Variants in NLRP4 observed in about 807,000 individuals in gnomAD.
NLRP4 encodes NLR family pyrin domain containing 4, also known as NACHT, LRR and PYD domains-containing protein 4.
A neutral mutation model predicts 84.7 loss-of-function variants in NLRP4; 44 were observed. The ratio of observed to expected loss-of-function variants is 0.52; its 90% CI spans 0.41 to 0.67. The LOEUF is 0.67. Ranked by LOEUF, NLRP4 falls within the 30% of genes least tolerant of loss-of-function variation. NLRP4 has a pLI of 0.00. For synonymous variants in NLRP4, 544 were observed against 476.4 expected, an observed-to-expected ratio of 1.14 and a Z score of -1.85; for missense variants, 1,260 against 1,219.4, an observed-to-expected ratio of 1.03 and a Z score of -0.50.
rs1027563549 is a variant in NLRP4, at chr19:55,856,358, G to C, written c.281-1316G>C. 2.0e-5 allele frequency among the ~76,000 whole-genome samples: 3 copies of C among 152,068 alleles called. No individual in the cohort carries two copies. In the East Asian group the frequency reaches 5.8e-4, roughly 29 times the overall value. ...GTCCAGCGTCTGTGTGTTCATGGAA[G>C]CTGGCAGCAAAACAGGCAGAAGATA... On this transcript the variant is annotated intron_variant, in intron 2 of 9. Transcript: ENST00000301295.
intron 1 of NLRP4, among the ~76,000 whole-genome samples, chr19:55,845,627 G>T (rs1482854841): frequency 6.6e-6 from 1 of 151,848 alleles, no homozygotes; most frequent in South Asian, 2.1e-4. Flanking sequence ...GGTTGAACTA[G>T]TTTACAGTCC....
At chr19:55,843,862 C>T (rs1220622628) in intron 1 of NLRP4, among the ~76,000 whole-genome samples, 2 of 151,994 alleles carry the variant, frequency 1.3e-5, no homozygotes, top group African/African-American at 4.8e-5. Context: ...TTTTGGGGAG[C>T]CAGTAACAAG....
At chr19:55,861,207 C>T (rs759913889) in intron 3 of NLRP4, among the ~76,000 whole-genome samples, 179 bp from the exon 4 acceptor site, 2 of 152,206 alleles carry the variant, frequency 1.3e-5, no homozygotes, top group East Asian at 1.9e-4. Context: ...GGAAACGTCA[C>T]CCCAGGTTGA....
chr19:55,852,150 A>G lies in NLRP4; in HGVS notation c.70A>G (p.Arg24Gly). 2 of 1,608,176 alleles carry G rather than the reference A, an allele frequency of 1.2e-6. No individual in the cohort carries two copies. The highest frequency in any genetic ancestry group is 1.7e-6 in the Non-Finnish European group (2 of 1,178,064). Residue 24 changes from arginine to glycine, a missense_variant, in exon 2 of 10, where the codon AGG becomes GGG. Transcript: ENST00000301295. ...GGAGGAGCTCAAAAAGGAGGAGTTC[A>G]GGAAATTTAAAGAACATCTCAAGCA... ...YLEELKKEEFRKFKEHLKQMT... is the reference protein window; with the variant it reads ...YLEELKKEEFGKFKEHLKQMT...
Position 55,858,247 on chromosome 19 carries a change from A to G in NLRP4, c.854A>G (p.Lys285Arg). 1 of 1,614,176 alleles carries G rather than the reference A, an allele frequency of 6.2e-7. No individual in the cohort carries two copies. Among genetic ancestry groups the G allele is most frequent in the Non-Finnish European group, 8.5e-7 (1 of 1,180,030 alleles). ...LLIAIKPVCPKELRDQVTISE... is the reference protein window; with the variant it reads ...LLIAIKPVCPRELRDQVTISE... Reference sequence around the variant, plus strand: ...ATCGCTATCAAACCCGTGTGCCCGAAGGAGCTCCGGGATCAGGTGACGATC... The same window carrying G: ...ATCGCTATCAAACCCGTGTGCCCGAGGGAGCTCCGGGATCAGGTGACGATC... Residue 285 changes from lysine (K) to arginine (R), a missense_variant, in exon 3 of 10, where the codon AAG (lysine) becomes AGG (arginine). Lys to Arg is a conservative substitution (Grantham distance 26). Coordinates refer to ENST00000301295, the MANE Select transcript of NLRP4 (RefSeq NM_134444.5). This position sits in a 1 kb window ranked among gnomAD's most constrained non-coding sequence, Gnocchi z 4.2.
chr19:55,852,315 A>T lies in NLRP4; in HGVS notation c.235A>T (p.Met79Leu). ...WNITLRIFQKMDRKDLCMKVM... is the reference protein window; with the variant it reads ...WNITLRIFQKLDRKDLCMKVM... ...CATAACCTTAAGAATCTTTCAAAAG[A>T]TGGATAGAAAGGATCTCTGCATGAA... The change falls in exon 2 of 10, where the codon ATG (methionine) becomes TTG (leucine). Residue 79 changes from methionine (M) to leucine (L), a missense_variant. Coordinates refer to ENST00000301295, the MANE Select transcript of NLRP4 (RefSeq NM_134444.5). 6.2e-7 allele frequency: 1 copy of T among 1,607,288 alleles called. No homozygotes were observed.
intron 5 of NLRP4, among the ~76,000 whole-genome samples, chr19:55,863,744 G>A (rs1175998604): frequency 6.6e-6 from 1 of 152,124 alleles, no homozygotes; most frequent in South Asian, 2.1e-4. Flanking sequence ...TTCTTGACCT[G>A]GATACTGGTA....
intron 2 of NLRP4, among the ~76,000 whole-genome samples, chr19:55,857,054 T>C (rs896490207): frequency 1.3e-5 from 2 of 152,238 alleles, no homozygotes; most frequent in South Asian, 4.1e-4. Context: ...GTACATGCTA[T>C]AGACACCGTC....
In NLRP4 at chr19:55,877,086, G is replaced by A. The variant is rs1020025679; in HGVS notation, c.2616G>A (p.Gly872=). ...AAAACCTGAAGATTCTGCAAATTGGGTGCAATGAAATCGGAGATGTGGGTG... is the reference window on the plus strand; with the variant it reads ...AAAACCTGAAGATTCTGCAAATTGGATGCAATGAAATCGGAGATGTGGGTG... ...SNQNLKILQI[G]CNEIGDVGVQ... The change falls in exon 8 of 10, where the codon GGG becomes GGA. Residue 872 remains glycine (G), a synonymous_variant. Transcript: ENST00000301295. The A allele has an allele frequency of 6.2e-7, 1 of 1,614,114 alleles. No homozygotes were observed. Among genetic ancestry groups the A allele is most frequent in the Non-Finnish European group, 8.5e-7 (1 of 1,179,988 alleles).
At position 55,858,511 on chromosome 19, in the gene NLRP4, C is replaced by G. The variant is rs1280225944; in HGVS notation, c.1118C>G (p.Ser373Cys). 1 of 1,614,050 alleles carries G rather than the reference C, an allele frequency of 6.2e-7. No homozygotes were observed. The highest frequency in any genetic ancestry group is 1.3e-5 in the African/African-American group (1 of 74,934). ...LTCQSTTSVYSSFVFNLFTPE... is the reference protein window; with the variant it reads ...LTCQSTTSVYCSFVFNLFTPE... Reference sequence around the variant, plus strand: ...TGCCAGAGCACTACCTCTGTGTACTCCTCTTTCGTCTTTAACCTGTTCACA... The same window carrying G: ...TGCCAGAGCACTACCTCTGTGTACTGCTCTTTCGTCTTTAACCTGTTCACA... The change falls in exon 3 of 10, where the codon TCC becomes TGC. Residue 373 changes from serine to cysteine, a missense_variant. By Grantham distance (112) the Ser-to-Cys change is moderately radical. Transcript: ENST00000301295. The surrounding 1 kb of genome is among the most constrained non-coding windows in gnomAD (Gnocchi z 4.2).
intron 1 of NLRP4, among the ~76,000 whole-genome samples, chr19:55,843,107 AT>A (rs775272379): frequency 3.9e-5 from 6 of 152,044 alleles, no homozygotes; most frequent in Non-Finnish European, 8.8e-5. Context: ...GTCAGCAGCT[AT>A]TTGTTTTGAG....
chr19:55,843,314 C>T (rs985638611), intron 1 of NLRP4, among the ~76,000 whole-genome samples: 11 of 152,084 alleles, frequency 7.2e-5, no homozygotes, highest in African/African-American at 2.4e-4. Context: ...TATAATGTGT[C>T]TAGACATGGG....
intron 2 of NLRP4, among the ~76,000 whole-genome samples, chr19:55,856,427 C>T (rs1984415986): frequency 1.3e-5 from 2 of 152,008 alleles, no homozygotes; most frequent in South Asian, 4.2e-4. Context: ...GAGTGAGGGC[C>T]AATCGCAGAA....
Position 55,881,499 on chromosome 19 carries a change from C to G in NLRP4, c.2897C>G (p.Thr966Ser). 1 of 1,604,730 alleles carries G rather than the reference C, an allele frequency of 6.2e-7. No individual in the cohort carries two copies. Among genetic ancestry groups the G allele is most frequent in the African/African-American group, 1.3e-5 (1 of 74,792 alleles). The change falls in exon 10 of 10, where the codon ACC becomes AGC. Residue 966 changes from threonine to serine, a missense_variant. Thr to Ser is a moderately conservative substitution (Grantham distance 58). Transcript: ENST00000301295. Reference protein sequence around the residue: ...GLRKTDFDEETQALLTAEEER... With the variant: ...GLRKTDFDEESQALLTAEEER... ...AGAAAAACTGATTTTGATGAGGAAACCCAGGCACTTCTGACGGCTGAGGAA... is the reference window on the plus strand; with the variant it reads ...AGAAAAACTGATTTTGATGAGGAAAGCCAGGCACTTCTGACGGCTGAGGAA...
chr19:55,849,632 G>A lies in NLRP4; in HGVS notation c.-65-2384G>A, dbSNP rs77303305. ...TTCCAGCACCATTTATGGAAGAGAC[G>A]ATCTGCCTCCATTGTGCCTTTGTCA... On this transcript the variant is annotated intron_variant, in intron 1 of 9. Transcript: ENST00000301295. 6.2e-3 allele frequency among the ~76,000 whole-genome samples: 938 copies of A among 152,352 alleles called. 15 individuals are homozygous for A. Among genetic ancestry groups the A allele is most frequent in the African/African-American group, 0.022 (902 of 41,574 alleles).
intron 5 of NLRP4, among the ~76,000 whole-genome samples, chr19:55,864,659 TTCTGTATTCCTACCAG>T (rs1160165158): frequency 6.6e-6 from 1 of 152,218 alleles, no homozygotes; most frequent in East Asian, 1.9e-4. Context: ...GACTGCACAA[TTCTGTATTCCTACCAG>T]CAATGTATGA....
chr19:55,867,658 G>C (rs1379702416), intron 5 of NLRP4, 51 bp from the exon 6 acceptor site: 6 of 1,532,088 alleles, frequency 3.9e-6, no homozygotes, highest in Non-Finnish European at 5.4e-6. Flanking sequence ...CAAGAGGAAT[G>C]AGTCCAGGAA....
intron 1 of NLRP4, among the ~76,000 whole-genome samples, chr19:55,846,205 A>T (rs558134943): frequency 6.6e-6 from 1 of 152,150 alleles, no homozygotes; most frequent in Non-Finnish European, 1.5e-5. Flanking sequence ...TGTATAAGGT[A>T]TAAGGAAGGG....
intron 1 of NLRP4, among the ~76,000 whole-genome samples, chr19:55,846,364 C>G (rs1392270996): frequency 6.6e-6 from 1 of 152,102 alleles, no homozygotes; most frequent in East Asian, 1.9e-4. Context: ...GGGCTCTGTT[C>G]TGTTCCATTA....
Sources: gnomAD v4.1 joint callset for allele counts (sites outside exome capture counted in the v4.1 genomes callset) on GRCh38, gnomAD v4.1.1 for gene constraint, Gnocchi (gnomAD v3.1) non-coding constraint, MANE v1.5 for transcripts, NCBI Gene and HGNC (gene_info 2026-07-23, HGNC 2026-07-21) for gene names.